The following TEX11 variants were observed in gnomAD, a reference collection of about 807,000 sequenced individuals.
The protein encoded by TEX11 is testis expressed 11, also known as testis-expressed protein 11.
In TEX11, 7 loss-of-function variants were observed where a neutral mutation model predicts 84.4. That is an observed-to-expected ratio of 0.08 (90% CI 0.05 to 0.16). TEX11 has a LOEUF of 0.16. Among genes scored for constraint, TEX11 ranks in the 10% least tolerant of loss-of-function variants. The pLI is 1.00. For synonymous variants in TEX11, 264 were observed against 222.8 expected (o/e 1.18, Z -1.64); for missense variants, 551 against 660.5 (o/e 0.83, Z 1.82).
chrX:70,728,653 C>G (rs1201154269), intron 11 of TEX11, among the ~76,000 whole-genome samples: 4 of 109,505 alleles, frequency 3.7e-5, no homozygotes, highest in Non-Finnish European at 7.6e-5. Flanking sequence ...AGTAGGTAAA[C>G]AAAGAGGCTG....
At chrX:70,907,672 G>A (rs979206117) in intron 2 of TEX11, 81 bp downstream of exon 2, 16 of 794,201 alleles carry the variant, frequency 2.0e-5, no homozygotes, top group Admixed American at 1.6e-4. Flanking sequence ...GATTACAGGC[G>A]TGAGCCACCG....
chrX:70,777,288 A>T (rs2091008248), intron 9 of TEX11, among the ~76,000 whole-genome samples: 2 of 111,936 alleles, frequency 1.8e-5, no homozygotes, highest in South Asian at 7.4e-4. Context: ...CAAAAAACAA[A>T]ATGTAGAGGG....
At chrX:70,643,994 A>G (rs1319660962) in intron 17 of TEX11, among the ~76,000 whole-genome samples, 1 of 102,931 alleles carries the variant, frequency 9.7e-6, no homozygotes, top group Non-Finnish European at 2.0e-5. Flanking sequence ...AACCTACAAA[A>G]TGGGAGAAAA....
At position 70,806,758 on chromosome X, in the gene TEX11, A is replaced by G. The variant is rs1364205878; in HGVS notation, c.639T>C (p.Phe213=). 8.4e-7 allele frequency: 1 copy of G among 1,189,224 alleles called. No individual in the cohort carries two copies. The highest frequency in any genetic ancestry group is 1.1e-6 in the Non-Finnish European group (1 of 880,535). Residue 213 remains phenylalanine (F), a synonymous_variant, in exon 9 of 30, where the codon TTT becomes TTC. Transcript: ENST00000374333. ...TSSLHHLCYN[F]GVETQKNNKY... ...TATTATTCTTCTGGGTTTCTACTCCAAAGTTGTAACAGAGATGATGAAGAC... is the reference window on the plus strand; with the variant it reads ...TATTATTCTTCTGGGTTTCTACTCCGAAGTTGTAACAGAGATGATGAAGAC...
At chrX:70,847,508 T>A (rs1311946295) in intron 7 of TEX11, among the ~76,000 whole-genome samples, 3 of 111,265 alleles carry the variant, frequency 2.7e-5, no homozygotes, top group Non-Finnish European at 5.7e-5. Flanking sequence ...TCATCTCTGG[T>A]ATTCCTTCTT....
intron 26 of TEX11, 55 bp downstream of exon 26, chrX:70,554,596 A>T: frequency 9.3e-7 from 1 of 1,078,230 alleles, no homozygotes; most frequent in East Asian, 3.3e-5. Flanking sequence ...GAAGAAAAAA[A>T]GTCATACGAT....
intron 11 of TEX11, among the ~76,000 whole-genome samples, chrX:70,726,912 C>T (rs372400066): frequency 9.1e-6 from 1 of 109,424 alleles, no homozygotes; most frequent in Non-Finnish European, 1.9e-5. Flanking sequence ...CGGCTCACTG[C>T]AGCCTCCACT....
At chrX:70,782,645 C>CAA (rs780011355) in intron 9 of TEX11, among the ~76,000 whole-genome samples, 11,440 of 28,863 alleles carry the variant, frequency 0.4, 2,679 homozygotes, top group East Asian at 0.58. Flanking sequence ...AAATGGAAAG[C>CAA]AAAAAAAAAA....
intron 8 of TEX11, among the ~76,000 whole-genome samples, chrX:70,831,390 G>A (rs368681160): frequency 1.8e-5 from 2 of 111,318 alleles, no homozygotes; most frequent in South Asian, 7.7e-4. Flanking sequence ...ACTTTGGGTG[G>A]CTGGGGCAAG....
intron 17 of TEX11, among the ~76,000 whole-genome samples, chrX:70,630,868 G>C (rs190209755): frequency 8.9e-6 from 1 of 111,901 alleles, no homozygotes; most frequent in Admixed American, 9.4e-5. Context: ...AAGCTGGAGT[G>C]GCTATATTAA....
intron 8 of TEX11, among the ~76,000 whole-genome samples, chrX:70,809,975 TA>T (rs774145877): frequency 1.8e-5 from 2 of 111,832 alleles, no homozygotes; most frequent in East Asian, 5.6e-4. Flanking sequence ...AAGTAGGCAT[TA>T]AAAAGTAATA....
chrX:70,672,715 GTTCT>G (rs1331869635), intron 15 of TEX11, among the ~76,000 whole-genome samples: 2 of 111,923 alleles, frequency 1.8e-5, no homozygotes, highest in Non-Finnish European at 3.8e-5. Context: ...AGTTTAGAGA[GTTCT>G]TTCTATGTTT....
At chrX:70,578,764 CTTTTTTTTT>C (rs869110075) in intron 25 of TEX11, among the ~76,000 whole-genome samples, 1 of 50,172 alleles carries the variant, frequency 2.0e-5, no homozygotes, top group Non-Finnish European at 3.5e-5. Context: ...AGTTGAACTT[CTTTTTTTTT>C]TTTTTTTTTT....
chrX:70,516,180 T>A, the TEX11 span, among the ~76,000 whole-genome samples: 12 of 112,339 alleles, frequency 1.1e-4, no homozygotes, highest in East Asian at 8.3e-4. Flanking sequence ...GGTGTTTTAG[T>A]CATGAAGTCT....
chrX:70,897,155 A>T (rs867943500), intron 2 of TEX11, among the ~76,000 whole-genome samples: 202 of 31,139 alleles, frequency 6.5e-3, no homozygotes, highest in African/African-American at 0.012. Flanking sequence ...TATTATATAT[A>T]ACATATATAT....
intron 2 of TEX11, among the ~76,000 whole-genome samples, chrX:70,904,619 C>T (rs1212332640): frequency 1.8e-5 from 2 of 111,892 alleles, no homozygotes; most frequent in African/African-American, 3.2e-5. Flanking sequence ...GTTAAAGATG[C>T]TCATAGCTTT....
chrX:70,841,154 CA>C (rs2091441166), intron 7 of TEX11, among the ~76,000 whole-genome samples: 1 of 110,988 alleles, frequency 9.0e-6, no homozygotes, highest in Non-Finnish European at 1.9e-5. Context: ...CAGAACTCTC[CA>C]CCCCAAATCA....
intron 4 of TEX11, among the ~76,000 whole-genome samples, chrX:70,865,136 T>C (rs774288753): frequency 9.0e-6 from 1 of 111,364 alleles, no homozygotes; most frequent in Non-Finnish European, 1.9e-5. Flanking sequence ...ATCAGTGTGC[T>C]GTATTCAGGA....
intron 9 of TEX11, among the ~76,000 whole-genome samples, chrX:70,783,162 T>G (rs1004286543): frequency 8.9e-6 from 1 of 111,777 alleles, no homozygotes; most frequent in African/African-American, 3.3e-5. Context: ...AAATTAGAAC[T>G]CAGGATTAAG....
Sources: gnomAD v4.1 joint callset for allele counts (sites outside exome capture counted in the v4.1 genomes callset) on GRCh38, gnomAD v4.1.1 for gene constraint, MANE v1.5 for transcripts, NCBI Gene and HGNC (gene_info 2026-07-23, HGNC 2026-07-21) for gene names.